The following RMDN2 variants were observed in gnomAD, a reference collection of about 807,000 sequenced individuals.
The protein encoded by RMDN2 is regulator of microtubule dynamics 2, also known as regulator of microtubule dynamics protein 2.
RMDN2 carries 61 observed loss-of-function variants against 52.8 expected under a neutral mutation model. The ratio of observed to expected loss-of-function variants is 1.16; its 90% confidence interval spans 0.94 to 1.43. The LOEUF (loss-of-function observed/expected upper bound fraction) is 1.43, where lower values mean the gene tolerates loss of function less well. RMDN2 is among the 40% of genes most tolerant of loss of function. The pLI is 0.00. For missense variants in RMDN2, 592 were observed against 475.3 expected (o/e 1.25, Z -2.28); for synonymous variants, 180 against 153.1 (o/e 1.18, Z -1.30).
In RMDN2 at chr2:38,065,128, TG is replaced by T. The variant is rs757104165; in HGVS notation, c.1714-1852del. Among the ~76,000 whole-genome samples the T allele has an allele frequency of 4.6e-5, 7 of 152,138 alleles. No individual in the cohort carries two copies. In the East Asian group the frequency reaches 1.3e-3, roughly 29 times the overall value. On this transcript the variant is annotated intron_variant, in intron 10 of 10. Coordinates refer to the RMDN2 transcript ENST00000234195. ...CCCAAGAGAGTGGATAGAAAAAATG[TG>T]GTGGATAAGTACCATGGAATACTAG... is the stretch of plus-strand genomic sequence containing the variant.
intron 2 of RMDN2, among the ~76,000 whole-genome samples, chr2:37,943,276 G>C (rs1015353784): frequency 6.6e-6 from 1 of 152,132 alleles, no homozygotes; most frequent in Non-Finnish European, 1.5e-5. Flanking sequence ...GGATAAGCCT[G>C]AAAAAGAAGA....
At chr2:38,018,597 G>T (rs541331860), downstream of RMDN2, among the ~76,000 whole-genome samples, 17 of 152,232 alleles carry the variant, frequency 1.1e-4, no homozygotes, top group African/African-American at 3.6e-4. Context: ...TTAAGTGCAA[G>T]TACAAGTCAA....
intron 2 of RMDN2, among the ~76,000 whole-genome samples, chr2:37,930,182 C>A (rs112159294): frequency 6.6e-6 from 1 of 152,182 alleles, no homozygotes; most frequent in Non-Finnish European, 1.5e-5. Context: ...AACTGAGGAA[C>A]TGAATTTTCC....
intron 2 of RMDN2, among the ~76,000 whole-genome samples, chr2:37,971,440 C>G (rs1671794791): frequency 6.6e-6 from 1 of 152,090 alleles, no homozygotes; most frequent in South Asian, 2.1e-4. Context: ...TCCATAATGT[C>G]TATTTCATAT....
chr2:37,963,486 C>T (rs1238289230), intron 2 of RMDN2, among the ~76,000 whole-genome samples: 1 of 152,192 alleles, frequency 6.6e-6, no homozygotes, highest in East Asian at 1.9e-4. Flanking sequence ...GTTTGTGTCC[C>T]TGGGTACTTG....
At chr2:37,932,353 A>G (rs1209817211) in intron 2 of RMDN2, among the ~76,000 whole-genome samples, 1 of 152,028 alleles carries the variant, frequency 6.6e-6, no homozygotes, top group African/African-American at 2.4e-5. Context: ...GATACAGCAC[A>G]TGTTTCAGAG....
Position 38,059,341 on chromosome 2 carries a change from C to T in RMDN2, c.1714-7641C>T, listed in dbSNP as rs145502952. Among the ~76,000 whole-genome samples, 7 of 152,184 alleles carry T rather than the reference C, an allele frequency of 4.6e-5. No homozygotes were observed. In the East Asian group the frequency reaches 1.4e-3, roughly 29 times the overall value. Reference sequence around the variant, plus strand: ...TCTTTTTGTGAGTAGATTATTTGGGCAGTGATCATACCATCAGAATTTAAA... The same window carrying T: ...TCTTTTTGTGAGTAGATTATTTGGGTAGTGATCATACCATCAGAATTTAAA... On this transcript the variant is annotated intron_variant, in intron 10 of 10. Transcript: ENST00000234195.
At chr2:37,996,695 C>G (rs1372294792) in intron 7 of RMDN2, among the ~76,000 whole-genome samples, 1 of 151,518 alleles carries the variant, frequency 6.6e-6, no homozygotes, top group Admixed American at 6.6e-5. Flanking sequence ...CAAGCATCAA[C>G]TGGGTCAATA....
At chr2:37,989,708 G>A in intron 6 of RMDN2, 92 bp downstream of exon 6, 1 of 843,736 alleles carries the variant, frequency 1.2e-6, no homozygotes, top group Non-Finnish European at 1.9e-6. Context: ...GTAGCCATAT[G>A]TTCCATCAAT....
chr2:38,008,326 A>T (rs1421540379), intron 10 of RMDN2, among the ~76,000 whole-genome samples: 2 of 152,066 alleles, frequency 1.3e-5, no homozygotes, highest in African/African-American at 4.8e-5. Flanking sequence ...TCCCATTATT[A>T]CTGTGTGGGA....
chr2:38,055,223 C>T lies in RMDN2; in HGVS notation c.1714-11759C>T, dbSNP rs189435382. Among the ~76,000 whole-genome samples, 326 of 151,968 alleles carry T rather than the reference C, an allele frequency of 2.1e-3. 2 individuals carry two copies. Among genetic ancestry groups the T allele is most frequent in the Non-Finnish European group, 3.8e-3 (256 of 67,962 alleles). On this transcript the variant is annotated intron_variant, in intron 10 of 10. Coordinates refer to the RMDN2 transcript ENST00000234195. Reference sequence around the variant, plus strand: ...TCACTCCTTCCCTCTAAGCCATTGTCACATCTTGCAGTCAAAGTTGCCGTT... The same window carrying T: ...TCACTCCTTCCCTCTAAGCCATTGTTACATCTTGCAGTCAAAGTTGCCGTT...
chr2:38,032,037 C>G (rs1680248384), intron 10 of RMDN2, among the ~76,000 whole-genome samples: 1 of 152,206 alleles, frequency 6.6e-6, no homozygotes, highest in Non-Finnish European at 1.5e-5. Flanking sequence ...CACTGGTTTA[C>G]CTGTCCCTAA....
intron 10 of RMDN2, among the ~76,000 whole-genome samples, chr2:38,023,857 C>G (rs1445156588): frequency 1.3e-5 from 2 of 152,174 alleles, no homozygotes; most frequent in Non-Finnish European, 2.9e-5. Context: ...CGTGTACACC[C>G]ACGAAACCAT....
intron 10 of RMDN2, among the ~76,000 whole-genome samples, chr2:38,023,157 G>A (rs910485618): frequency 6.6e-6 from 1 of 152,208 alleles, no homozygotes; most frequent in Admixed American, 6.5e-5. Flanking sequence ...AGATAGGGGA[G>A]CTAAAGCACA....
At chr2:37,997,311 C>A (rs1573002336) in intron 7 of RMDN2, 105 bp from the exon 8 acceptor site, 1 of 737,932 alleles carries the variant, frequency 1.4e-6, no homozygotes, top group Non-Finnish European at 2.4e-6. Flanking sequence ...TATCTATACA[C>A]ACACACACGT....
At chr2:38,059,632 G>A (rs1040771919) in intron 10 of RMDN2, among the ~76,000 whole-genome samples, 1 of 152,162 alleles carries the variant, frequency 6.6e-6, no homozygotes, top group African/African-American at 2.4e-5. Context: ...AGCTTGTGGG[G>A]GCAGGCTAAG....
chr2:37,933,670 G>T (rs971633270), intron 2 of RMDN2, among the ~76,000 whole-genome samples: 1 of 152,274 alleles, frequency 6.6e-6, no homozygotes, highest in African/African-American at 2.4e-5. Context: ...CACTTGGCAG[G>T]CTGAGGCAGG....
intron 10 of RMDN2, among the ~76,000 whole-genome samples, chr2:38,058,831 T>C (rs1027996479): frequency 6.6e-6 from 1 of 152,208 alleles, no homozygotes; most frequent in Non-Finnish European, 1.5e-5. Flanking sequence ...AGCCAGGTCA[T>C]TGGAAAACGC....
At chr2:37,941,848 G>A (rs900460592) in intron 2 of RMDN2, among the ~76,000 whole-genome samples, 3 of 151,924 alleles carry the variant, frequency 2.0e-5, no homozygotes, top group Non-Finnish European at 2.9e-5. Flanking sequence ...GGTGGGATCC[G>A]CTGAGCTAGG....
Sources: allele counts gnomAD v4.1 joint callset (sites outside exome capture counted in the v4.1 genomes callset), GRCh38; gene constraint gnomAD v4.1.1; transcripts MANE v1.5; gene names NCBI Gene and HGNC (gene_info 2026-07-23, HGNC 2026-07-21).